ENTPD1: variants seen among roughly 807,000 people sequenced by gnomAD.
ENTPD1 encodes ATP diphosphohydrolase.
ENTPD1 carries 33 observed loss-of-function variants against 57.0 expected under a neutral mutation model. The observed-to-expected ratio is 0.58, with a 90% CI of 0.44 to 0.77. ENTPD1 has a LOEUF of 0.77. Ranked by LOEUF, ENTPD1 falls within the 30% of genes least tolerant of loss-of-function variation. ENTPD1 has a pLI of 0.00. For synonymous variants in ENTPD1, 202 were observed against 218.8 expected (o/e 0.92, Z 0.68); for missense variants, 501 against 603.4 (o/e 0.83, Z 1.78).
chr10:95,777,630 A>T (rs943977252), intron 1 of ENTPD1, among the ~76,000 whole-genome samples: 1 of 152,234 alleles, frequency 6.6e-6, no homozygotes, highest in African/African-American at 2.4e-5. Context: ...TTGAGTAGGC[A>T]GTCTGTCTGT....
intron 1 of ENTPD1, among the ~76,000 whole-genome samples, chr10:95,727,612 T>G (rs539031899): frequency 4.3e-4 from 65 of 152,332 alleles, no homozygotes; most frequent in Non-Finnish European, 8.5e-4. Context: ...TTTAACTCCT[T>G]TAAGCACATG....
At chr10:95,864,212 C>T (rs1475225484) in intron 8 of ENTPD1, among the ~76,000 whole-genome samples, 1 of 152,178 alleles carries the variant, frequency 6.6e-6, no homozygotes, top group Non-Finnish European at 1.5e-5. Flanking sequence ...TCAAACTTTA[C>T]TGTGCACGTG....
chr10:95,774,357 G>A (rs566115625), intron 1 of ENTPD1, among the ~76,000 whole-genome samples: 1 of 152,174 alleles, frequency 6.6e-6, no homozygotes, highest in East Asian at 1.9e-4. Context: ...TGTCTATTTT[G>A]GCTTTTGTTG....
At chr10:95,722,085 G>C (rs185305216) in intron 1 of ENTPD1, among the ~76,000 whole-genome samples, 82 of 152,178 alleles carry the variant, frequency 5.4e-4, no homozygotes, top group Non-Finnish European at 1.1e-3. Context: ...TTTTGAGTCA[G>C]GATTGAGATA....
chr10:95,776,609 T>A (rs1264027019), intron 1 of ENTPD1, among the ~76,000 whole-genome samples: 1 of 152,212 alleles, frequency 6.6e-6, no homozygotes, highest in Non-Finnish European at 1.5e-5. Flanking sequence ...CAATTATGTG[T>A]CTTGGGGTTG....
intron 2 of ENTPD1, among the ~76,000 whole-genome samples, chr10:95,836,851 C>T (rs553991714): frequency 6.6e-6 from 1 of 152,178 alleles, no homozygotes; most frequent in Non-Finnish European, 1.5e-5. Flanking sequence ...GATGTTGTAA[C>T]AAAGAAAGGC....
At chr10:95,764,876 C>G (rs2098082390) in intron 1 of ENTPD1, among the ~76,000 whole-genome samples, 1 of 152,048 alleles carries the variant, frequency 6.6e-6, no homozygotes, top group South Asian at 2.1e-4. Flanking sequence ...GCATGTGCCA[C>G]CACACCCGGC....
At chr10:95,755,473 A>T, upstream of ENTPD1, 1 of 564,390 alleles carries the variant, frequency 1.8e-6, no homozygotes, top group South Asian at 2.4e-5. Context: ...GACGGTCTGG[A>T]TGTGGTAATT....
chr10:95,842,187 A>G (rs941583868), intron 3 of ENTPD1, among the ~76,000 whole-genome samples, 157 bp from the exon 4 acceptor site: 1 of 152,234 alleles, frequency 6.6e-6, no homozygotes, highest in African/African-American at 2.4e-5. Flanking sequence ...GGCTAGGTCC[A>G]GTGAATTACC....
rs2098475402 is a variant in ENTPD1, at chr10:95,867,147, T to C, written c.*764T>C. On this transcript the variant is annotated 3_prime_UTR_variant, in exon 10 of 10. Coordinates refer to ENST00000371205, the MANE Select transcript of ENTPD1 (RefSeq NM_001776.6). Reference sequence around the variant, plus strand: ...GTAGGTGGTATATACATGTCACAAATAAAAATACAGTTACAACTCAGGGTC... The same window carrying C: ...GTAGGTGGTATATACATGTCACAAACAAAAATACAGTTACAACTCAGGGTC... 1.0e-6 allele frequency: 1 copy of C among 985,300 alleles called. No homozygotes were observed. The highest frequency in any genetic ancestry group is 1.2e-6 in the Non-Finnish European group (1 of 829,932). The allele number at this position is 985,300 out of a possible 1,614,324, so 61.0% of individuals were successfully genotyped here.
intron 2 of ENTPD1, among the ~76,000 whole-genome samples, chr10:95,831,712 T>C (rs567864212): frequency 2.2e-4 from 34 of 152,392 alleles, no homozygotes; most frequent in Non-Finnish European, 1.6e-4. Context: ...CTGACCTAGT[T>C]TGGGTTCAGC....
chr10:95,697,279 G>T, the ENTPD1 span, among the ~76,000 whole-genome samples: 8 of 146,662 alleles, frequency 5.5e-5, no homozygotes, highest in Admixed American at 2.0e-4. Context: ...GATAGCAGAA[G>T]AATTTTCCCC....
rs2098204977 is a variant in ENTPD1, at chr10:95,791,774, G to A, written c.17-31463G>A. ...AAAGTGAACAGTGCCTGGGCCCCAT[G>A]CTAGAAATTCTGATGTAATTGTCCC... On this transcript the variant is annotated intron_variant, in intron 1 of 9. Coordinates refer to ENST00000371205, the MANE Select transcript of ENTPD1 (RefSeq NM_001776.6). This position sits in a 1 kb window ranked among gnomAD's most constrained non-coding sequence, Gnocchi z 4.1. 6.6e-6 allele frequency among the ~76,000 whole-genome samples: 1 copy of A among 152,168 alleles called. No homozygotes were observed. Among genetic ancestry groups the A allele is most frequent in the African/African-American group, 2.4e-5 (1 of 41,452 alleles).
chr10:95,845,396 A>G lies in ENTPD1; in HGVS notation c.613A>G (p.Asn205Asp). ...CAGCATAGTCCCATATGAAACCAATAATCAGGAAACCTTTGGAGCTTTGGA... is the reference window on the plus strand; with the variant it reads ...CAGCATAGTCCCATATGAAACCAATGATCAGGAAACCTTTGGAGCTTTGGA... ...WFSIVPYETN[N>D]QETFGALDLG... The change falls in exon 6 of 10, where the codon AAT (asparagine) becomes GAT (aspartate). Residue 205 changes from asparagine to aspartate, a missense_variant. Transcript: ENST00000371205. 3 of 1,614,220 alleles carry G rather than the reference A, an allele frequency of 1.9e-6. No homozygotes were observed. The highest frequency in any genetic ancestry group is 2.5e-6 in the Non-Finnish European group (3 of 1,180,044).
intron 2 of ENTPD1, among the ~76,000 whole-genome samples, chr10:95,838,164 T>C (rs1420217530): frequency 6.6e-6 from 1 of 152,190 alleles, no homozygotes; most frequent in Non-Finnish European, 1.5e-5. Context: ...TAAAAGCACA[T>C]GTGCCATCAT....
intron 1 of ENTPD1, among the ~76,000 whole-genome samples, chr10:95,722,930 A>G (rs537634089): frequency 6.6e-6 from 1 of 152,324 alleles, no homozygotes; most frequent in Non-Finnish European, 1.5e-5. Context: ...GACTTAGGAT[A>G]ATTCTGAACT....
chr10:95,779,694 G>T (rs755574518), intron 1 of ENTPD1, among the ~76,000 whole-genome samples: 2 of 151,906 alleles, frequency 1.3e-5, no homozygotes, highest in African/African-American at 4.8e-5. Flanking sequence ...ACCTCCTAGG[G>T]TCTTTTTTTC....
intron 8 of ENTPD1, among the ~76,000 whole-genome samples, chr10:95,863,725 A>G (rs2098469327): frequency 6.6e-6 from 1 of 152,146 alleles, no homozygotes; most frequent in Admixed American, 6.5e-5. Context: ...GAAATCTGGG[A>G]AAAGAGGGGT....
In ENTPD1 at chr10:95,797,079, A is replaced by G. The variant is rs368129701; in HGVS notation, c.17-26158A>G. Among the ~76,000 whole-genome samples the G allele has an allele frequency of 3.4e-4, 52 of 152,292 alleles. 1 individual carries two copies. In the East Asian group the frequency reaches 8.7e-3, roughly 25 times the overall value. The stretch of plus-strand genomic sequence containing the variant: ...CAGAGCAAGACTCTATCTGAAAAAA[A>G]CACAAAAACAAAATAAGGAGATAAA... On this transcript the variant is annotated intron_variant, in intron 1 of 9. Transcript: ENST00000371205.
Sources: allele counts gnomAD v4.1 joint callset (sites outside exome capture counted in the v4.1 genomes callset), GRCh38; gene constraint gnomAD v4.1.1; non-coding constraint Gnocchi (gnomAD v3.1); transcripts MANE v1.5; gene names NCBI Gene and HGNC (gene_info 2026-07-23, HGNC 2026-07-21).